TAF4B: variants seen among roughly 807,000 people sequenced by gnomAD.
TAF4B encodes transcription initiation factor TFIID subunit 4B.
Under a neutral mutation model 86.4 loss-of-function variants are expected in TAF4B, and 38 were observed. The observed-to-expected ratio is 0.44, with a 90% CI of 0.34 to 0.58. The LOEUF (loss-of-function observed/expected upper bound fraction) is 0.58, where lower values mean the gene tolerates loss of function less well. Ranked by LOEUF, TAF4B falls within the 20% of genes least tolerant of loss-of-function variation. The probability of loss-of-function intolerance (pLI) is 0.02; values close to 1 mark genes in which losing one functional copy is unlikely to be tolerated. For missense variants in TAF4B, 988 were observed against 1,027.6 expected (o/e 0.96, Z 0.53); for synonymous variants, 388 against 391.2 (o/e 0.99, Z 0.10).
chr18:26,275,773 T>C (rs2144568131), intron 5 of TAF4B, among the ~76,000 whole-genome samples: 1 of 152,196 alleles, frequency 6.6e-6, no homozygotes, highest in South Asian at 2.1e-4. Flanking sequence ...CCCAGCACTT[T>C]GGGAGGCCGA....
intron 13 of TAF4B, among the ~76,000 whole-genome samples, chr18:26,347,611 C>G (rs769307864): frequency 3.2e-4 from 48 of 152,058 alleles, no homozygotes; most frequent in Non-Finnish European, 4.7e-4. Context: ...GATTAAGTTC[C>G]CCATTTAAAA....
chr18:26,273,678 A>C (rs1245372568), intron 3 of TAF4B, among the ~76,000 whole-genome samples: 1 of 152,212 alleles, frequency 6.6e-6, no homozygotes, highest in Non-Finnish European at 1.5e-5. Context: ...TGTAAGTGTG[A>C]GCCACTGCAC....
chr18:26,312,534 G>A (rs1188088681), intron 9 of TAF4B, among the ~76,000 whole-genome samples: 35 of 152,282 alleles, frequency 2.3e-4, no homozygotes, highest in East Asian at 1.9e-4. Context: ...GGGAAAGGCT[G>A]CAAGATTCTA....
chr18:26,237,251 ATTC>A (rs2055763010), intron 1 of TAF4B, among the ~76,000 whole-genome samples: 2 of 152,124 alleles, frequency 1.3e-5, no homozygotes, highest in Admixed American at 6.5e-5. Flanking sequence ...CTAAAGCCAC[ATTC>A]TTCTCATTAA....
At chr18:26,381,980 G>C (rs1399178339) in intron 14 of TAF4B, among the ~76,000 whole-genome samples, 1 of 151,640 alleles carries the variant, frequency 6.6e-6, no homozygotes, top group Non-Finnish European at 1.5e-5. Context: ...TTTCATTCGA[G>C]TTATTTTTCT....
At chr18:26,358,838 A>G (rs1306964862) in intron 14 of TAF4B, among the ~76,000 whole-genome samples, 2 of 152,214 alleles carry the variant, frequency 1.3e-5, no homozygotes, top group South Asian at 2.1e-4. Context: ...CTCATCTTAT[A>G]CTTCTCTATA....
intron 2 of TAF4B, chr18:26,265,978 C>G (rs542327732): frequency 6.6e-6 from 1 of 152,024 alleles, no homozygotes; most frequent in African/African-American, 2.4e-5. Context: ...TTTTGCCATG[C>G]TAGCCAGGCT....
Position 26,238,308 on chromosome 18 carries a change from G to A in TAF4B, c.343+11032G>A, listed in dbSNP as rs1214151314. Reference sequence around the variant, plus strand: ...GGGCCATACCCTGAGGAAGGGAAGGGATCTCCAGGGTTGGAAGAGTGATGC... The same window carrying A: ...GGGCCATACCCTGAGGAAGGGAAGGAATCTCCAGGGTTGGAAGAGTGATGC... On this transcript the variant is annotated intron_variant, in intron 1 of 14. Transcript: ENST00000269142. 2.6e-5 allele frequency among the ~76,000 whole-genome samples: 4 copies of A among 152,188 alleles called. No individual in the cohort carries two copies. In the South Asian group the frequency reaches 8.3e-4, roughly 32 times the overall value.
chr18:26,255,886 C>T, intron 1 of TAF4B: 1 of 1,258,534 alleles, frequency 7.9e-7, no homozygotes, highest in East Asian at 2.3e-5. Context: ...AAAAAGGAAA[C>T]AACTGGTGTT....
chr18:26,245,371 GAGTGAGTGGT>G (rs1313263829), intron 1 of TAF4B, among the ~76,000 whole-genome samples: 1 of 152,120 alleles, frequency 6.6e-6, no homozygotes, highest in African/African-American at 2.4e-5. Flanking sequence ...CGGACCCAAA[GAGTGAGTGGT>G]AGCAAGGTTT....
chr18:26,353,737 T>C (rs936854637), intron 13 of TAF4B, among the ~76,000 whole-genome samples: 1 of 152,244 alleles, frequency 6.6e-6, no homozygotes, highest in Non-Finnish European at 1.5e-5. Flanking sequence ...ATAGTTTAAG[T>C]CCTTATCAGT....
chr18:26,282,075 C>G lies in TAF4B; in HGVS notation c.972+15C>G. 1 of 1,569,892 alleles carries G rather than the reference C, an allele frequency of 6.4e-7. No individual in the cohort carries two copies. Among genetic ancestry groups the G allele is most frequent in the Non-Finnish European group, 8.7e-7 (1 of 1,146,022 alleles). ...CTTTTCTTAAGGTAGAGTTATGTGT[C>G]ACTTAGAAGAAATAATTTGGATTAG... On this transcript the variant is annotated intron_variant, in intron 6 of 14. Transcript: ENST00000269142.
At chr18:26,274,147 A>G (rs1184936975) in intron 3 of TAF4B, among the ~76,000 whole-genome samples, 2 of 152,190 alleles carry the variant, frequency 1.3e-5, no homozygotes, top group African/African-American at 2.4e-5. Flanking sequence ...TGAATATAAG[A>G]TACCACGTTT....
chr18:26,265,264 A>G lies in TAF4B; in HGVS notation c.438A>G (p.Ser146=). The G allele has an allele frequency of 6.2e-7, 1 of 1,614,162 alleles. No homozygotes were observed. Among genetic ancestry groups the G allele is most frequent in the Non-Finnish European group, 8.5e-7 (1 of 1,180,030 alleles). The stretch of plus-strand genomic sequence containing the variant: ...CCGAGACCACAAGTAACATAACCTC[A>G]AGGCCAGCAGTACCAGCGAATCCTC... ...TRAETTSNIT[S]RPAVPANPQT... The change falls in exon 2 of 15, where the codon TCA becomes TCG. Residue 146 remains serine (S), a synonymous_variant. Transcript: ENST00000269142.
At chr18:26,276,671 T>C (rs2056388240) in intron 5 of TAF4B, among the ~76,000 whole-genome samples, 1 of 152,200 alleles carries the variant, frequency 6.6e-6, no homozygotes, top group Non-Finnish European at 1.5e-5. Flanking sequence ...AAATACCTCA[T>C]ACTAACAAAT....
intron 13 of TAF4B, among the ~76,000 whole-genome samples, chr18:26,355,589 AT>A (rs1490387253): frequency 6.6e-6 from 1 of 152,204 alleles, no homozygotes; most frequent in Non-Finnish European, 1.5e-5. Context: ...ATTTTCTAAA[AT>A]TTTGTGTGAG....
At chr18:26,318,002 G>T (rs2056929075) in intron 10 of TAF4B, among the ~76,000 whole-genome samples, 1 of 152,066 alleles carries the variant, frequency 6.6e-6, no homozygotes, top group South Asian at 2.1e-4. Flanking sequence ...CACAATAAGG[G>T]AACAACTATT....
intron 7 of TAF4B, among the ~76,000 whole-genome samples, chr18:26,286,954 G>T (rs965285078): frequency 1.4e-4 from 22 of 152,276 alleles, no homozygotes; most frequent in African/African-American, 5.3e-4. Flanking sequence ...AAAGCACTGG[G>T]ATTACAGACA....
intron 14 of TAF4B, among the ~76,000 whole-genome samples, chr18:26,375,603 G>A (rs1272766940): frequency 6.6e-6 from 1 of 152,140 alleles, no homozygotes; most frequent in Admixed American, 6.5e-5. Flanking sequence ...CCATTGTAAT[G>A]TGTGTAGAAG....
Sources: gnomAD v4.1 joint callset for allele counts (sites outside exome capture counted in the v4.1 genomes callset) on GRCh38, gnomAD v4.1.1 for gene constraint, MANE v1.5 for transcripts, NCBI Gene and HGNC (gene_info 2026-07-23, HGNC 2026-07-21) for gene names.